The following SLC39A12 variants were observed in gnomAD, a reference collection of about 807,000 sequenced individuals.
SLC39A12 encodes solute carrier family 39 member 12.
Under a neutral mutation model 71.1 loss-of-function variants are expected in SLC39A12, and 63 were observed. The ratio of observed to expected loss-of-function variants is 0.89; its 90% confidence interval spans 0.72 to 1.09. The LOEUF (loss-of-function observed/expected upper bound fraction) is 1.09. Among genes scored for constraint, SLC39A12 ranks in the 50% least tolerant of loss-of-function variants. The probability of loss-of-function intolerance (pLI) is 0.00; values close to 1 mark genes in which losing one functional copy is unlikely to be tolerated. For synonymous variants in SLC39A12, 351 were observed against 301.3 expected, an observed-to-expected ratio of 1.16 and a Z score of -1.71; for missense variants, 892 against 812.6, an observed-to-expected ratio of 1.10 and a Z score of -1.19.
At chr10:18,002,410 T>C (rs1835863205) in intron 11 of SLC39A12, 1 of 152,264 alleles carries the variant, frequency 6.6e-6, no homozygotes, top group South Asian at 2.1e-4. Context: ...GTTTTGCTAC[T>C]GTAACAGGGA....
intron 12 of SLC39A12, among the ~76,000 whole-genome samples, chr10:18,014,627 C>T (rs1836326259): frequency 6.6e-6 from 1 of 152,116 alleles, no homozygotes; most frequent in Non-Finnish European, 1.5e-5. Flanking sequence ...GAGAAATATG[C>T]ATTTATGACA....
intron 12 of SLC39A12, among the ~76,000 whole-genome samples, chr10:18,034,502 A>C (rs1589259348): frequency 6.6e-6 from 1 of 151,798 alleles, no homozygotes; most frequent in Non-Finnish European, 1.5e-5. Flanking sequence ...TTAGCTTGGT[A>C]GATCTTCCTC....
intron 7 of SLC39A12, among the ~76,000 whole-genome samples, chr10:17,989,461 G>A (rs1162606316): frequency 6.8e-6 from 1 of 148,110 alleles, no homozygotes; most frequent in Non-Finnish European, 1.5e-5. Flanking sequence ...CTGCCCAGGA[G>A]TCTGGGAAGC....
intron 4 of SLC39A12, among the ~76,000 whole-genome samples, chr10:17,973,299 A>T (rs1051858771): frequency 1.3e-5 from 2 of 152,066 alleles, no homozygotes; most frequent in African/African-American, 4.8e-5. Context: ...GTGTTATAGA[A>T]TTCTGTGTTT....
chr10:18,009,685 A>C (rs1554853171), intron 12 of SLC39A12: 1 of 152,238 alleles, frequency 6.6e-6, no homozygotes, highest in African/African-American at 2.4e-5. Flanking sequence ...TCTTGTGAGA[A>C]GTGTCGCCCA....
chr10:18,014,996 A>G (rs1161946276), intron 12 of SLC39A12, among the ~76,000 whole-genome samples: 1 of 152,222 alleles, frequency 6.6e-6, no homozygotes, highest in Non-Finnish European at 1.5e-5. Context: ...AGATGGCTAG[A>G]TGATGTATGG....
At chr10:17,997,022 C>A (rs376092516) in intron 10 of SLC39A12, among the ~76,000 whole-genome samples, 687 of 115,214 alleles carry the variant, frequency 6.0e-3, no homozygotes, top group Middle Eastern at 8.8e-3. Context: ...GACTCCGTCT[C>A]AAAAAAAAAA....
chr10:18,030,634 T>G (rs534381333), intron 12 of SLC39A12, among the ~76,000 whole-genome samples: 5,981 of 149,906 alleles, frequency 0.04, 400 homozygotes, highest in African/African-American at 0.14. Flanking sequence ...ATTTATTTAT[T>G]TATTTATTTA....
At chr10:17,962,827 C>T (rs1380967103) in intron 3 of SLC39A12, among the ~76,000 whole-genome samples, 3 of 152,054 alleles carry the variant, frequency 2.0e-5, no homozygotes, top group Admixed American at 6.6e-5. Context: ...TTTCAAAATG[C>T]GACCATATTT....
intron 12 of SLC39A12, among the ~76,000 whole-genome samples, chr10:18,022,101 A>C (rs1836549595): frequency 6.6e-6 from 1 of 151,706 alleles, no homozygotes; most frequent in African/African-American, 2.4e-5. Flanking sequence ...TGTCTTGGGG[A>C]TGTTTGTCTT....
At position 17,953,189 on chromosome 10, in the gene SLC39A12, A is replaced by G; in HGVS notation, c.-86-2A>G. The G allele has an allele frequency of 6.7e-7, 1 of 1,486,280 alleles. No individual in the cohort carries two copies. Among genetic ancestry groups the G allele is most frequent in the Non-Finnish European group, 9.1e-7 (1 of 1,103,336 alleles). The allele number at this position is 1,486,280 out of a possible 1,614,324, so 92.1% of individuals were successfully genotyped here. ...AGGCTTTATTTTTCCCCTTTACCAC[A>G]GAAATTCCTTTGGTTACAAGTTTAC... On this transcript the variant is annotated splice_acceptor_variant, in intron 1 of 12. Coordinates refer to ENST00000377369, the MANE Select transcript of SLC39A12 (RefSeq NM_001145195.2). LOFTEE classifies it low-confidence loss of function (5UTR_SPLICE).
intron 12 of SLC39A12, among the ~76,000 whole-genome samples, chr10:18,027,707 A>G (rs78721910): frequency 0.06 from 9,076 of 152,252 alleles, 375 homozygotes; most frequent in Middle Eastern, 0.13. Context: ...TGTCTCTCCA[A>G]TGTCTGAGAC....
At chr10:18,031,093 T>C (rs1368016495) in intron 12 of SLC39A12, among the ~76,000 whole-genome samples, 7 of 148,140 alleles carry the variant, frequency 4.7e-5, no homozygotes, top group Non-Finnish European at 1.1e-4. Context: ...TTGTGAATAA[T>C]GCCGCAATAA....
intron 1 of SLC39A12, among the ~76,000 whole-genome samples, chr10:17,952,470 T>TTTTTTTC (rs200189345): frequency 3.4e-5 from 5 of 149,066 alleles, no homozygotes; most frequent in Non-Finnish European, 7.4e-5. Flanking sequence ...TAAAACTCTT[T>TTTTTTTC]TTTTTTCTTT....
At chr10:17,976,538 T>C (rs2130801952) in intron 4 of SLC39A12, among the ~76,000 whole-genome samples, 1 of 152,200 alleles carries the variant, frequency 6.6e-6, no homozygotes, top group South Asian at 2.1e-4. Flanking sequence ...CCATCTCAGC[T>C]TCCTGAGTAG....
chr10:17,990,989 A>G (rs868269151), intron 7 of SLC39A12, among the ~76,000 whole-genome samples, 162 bp from the exon 8 acceptor site: 3 of 152,212 alleles, frequency 2.0e-5, no homozygotes, highest in Admixed American at 6.5e-5. Flanking sequence ...TCACATACCC[A>G]AAAGCAAACT....
At chr10:18,019,011 TC>T (rs1306609188) in intron 12 of SLC39A12, among the ~76,000 whole-genome samples, 1 of 152,150 alleles carries the variant, frequency 6.6e-6, no homozygotes, top group African/African-American at 2.4e-5. Context: ...GGTGAGCCCA[TC>T]TGGGCCTGGT....
At chr10:18,033,441 G>T (rs1440003212) in intron 12 of SLC39A12, among the ~76,000 whole-genome samples, 1 of 151,378 alleles carries the variant, frequency 6.6e-6, no homozygotes, top group Non-Finnish European at 1.5e-5. Context: ...TTTGCGTAGA[G>T]GTGTTTGTAG....
intron 12 of SLC39A12, among the ~76,000 whole-genome samples, chr10:18,030,672 G>C (rs1836820659): frequency 6.7e-6 from 1 of 150,012 alleles, no homozygotes; most frequent in Non-Finnish European, 1.5e-5. Flanking sequence ...TTAAGTTTTA[G>C]GGTACATGTG....
Sources: gnomAD v4.1 joint callset for allele counts (sites outside exome capture counted in the v4.1 genomes callset) on GRCh38, gnomAD v4.1.1 for gene constraint, MANE v1.5 for transcripts, NCBI Gene and HGNC (gene_info 2026-07-23, HGNC 2026-07-21) for gene names.